The following NTM variants were observed in gnomAD, a reference collection of about 807,000 sequenced individuals.
The protein encoded by NTM is neurotrimin, also known as IgLON family member 2.
A neutral mutation model predicts 42.1 loss-of-function variants in NTM; 13 were observed. That is an observed-to-expected ratio of 0.31 (90% CI 0.20 to 0.49). The LOEUF is 0.49. NTM is among the 20% of genes least tolerant of loss of function. NTM has a pLI of 0.99. For synonymous variants in NTM, 187 were observed against 179.2 expected (o/e 1.04, Z -0.35); for missense variants, 373 against 452.8 (o/e 0.82, Z 1.60).
At chr11:131,789,637 A>AAGAAGAAGAAGAAGAAGAAGAAGAAGAAG (rs1565553128) in intron 1 of NTM, among the ~76,000 whole-genome samples, 1 of 24,396 alleles carries the variant, frequency 4.1e-5, no homozygotes, top group Non-Finnish European at 9.2e-5. Context: ...AGAAGAAGAA[A>AAGAAGAAGAAGAAGAAGAAGAAGAAGAAG]AGAAGAAGAA....
intron 2 of NTM, among the ~76,000 whole-genome samples, chr11:131,944,088 A>G (rs2060094083): frequency 6.6e-6 from 1 of 152,186 alleles, no homozygotes; most frequent in Admixed American, 6.5e-5. Context: ...AGCTTAGAAA[A>G]CGGCTAGTAA....
At chr11:131,660,437 G>A (rs1327897747) in intron 1 of NTM, 3 of 456,654 alleles carry the variant, frequency 6.6e-6, no homozygotes, top group Non-Finnish European at 1.3e-5. Flanking sequence ...TCATTTGAAA[G>A]AGCCCAGAAG....
intron 5 of NTM, among the ~76,000 whole-genome samples, chr11:132,308,064 T>A (rs1406362801): frequency 1.3e-5 from 2 of 152,244 alleles, no homozygotes; most frequent in African/African-American, 4.8e-5. Flanking sequence ...ATGCCAAACT[T>A]GACTTGCATG....
intron 7 of NTM, among the ~76,000 whole-genome samples, chr11:132,316,735 C>A (rs937803367): frequency 7.9e-5 from 12 of 152,232 alleles, no homozygotes; most frequent in African/African-American, 2.6e-4. Flanking sequence ...CTGTGGAGCT[C>A]GCAAACCCCA....
At chr11:131,935,780 T>C (rs962844799) in intron 2 of NTM, among the ~76,000 whole-genome samples, 3 of 152,152 alleles carry the variant, frequency 2.0e-5, no homozygotes, top group Non-Finnish European at 4.4e-5. Flanking sequence ...TAGATCAAAA[T>C]TACAGAAGAA....
intron 1 of NTM, among the ~76,000 whole-genome samples, chr11:131,807,926 CTA>C (rs1391487958): frequency 2.0e-5 from 3 of 152,162 alleles, no homozygotes; most frequent in African/African-American, 7.2e-5. Flanking sequence ...CTAAAAGTGA[CTA>C]TCACTTTCAA....
intron 1 of NTM, among the ~76,000 whole-genome samples, chr11:131,675,958 C>T (rs1293303881): frequency 1.3e-5 from 2 of 152,174 alleles, no homozygotes; most frequent in Non-Finnish European, 2.9e-5. Flanking sequence ...TCTTTTATGG[C>T]TTTCACCTTT....
At chr11:131,420,492 C>A (rs995185164) in intron 1 of NTM, among the ~76,000 whole-genome samples, 1 of 152,170 alleles carries the variant, frequency 6.6e-6, no homozygotes, top group African/African-American at 2.4e-5. Flanking sequence ...AAGGCCACTA[C>A]GTCTGTGGTG....
At chr11:131,736,117 G>C (rs75558661) in intron 1 of NTM, among the ~76,000 whole-genome samples, 4,584 of 152,116 alleles carry the variant, frequency 0.03, 269 homozygotes, top group African/African-American at 0.1. Flanking sequence ...ACAGGTGTGA[G>C]CCACCACACC....
chr11:131,970,296 G>T (rs532044622), intron 2 of NTM, among the ~76,000 whole-genome samples: 1 of 152,156 alleles, frequency 6.6e-6, no homozygotes, highest in Non-Finnish European at 1.5e-5. Context: ...GGATTTGATT[G>T]TATGTTTTCT....
chr11:132,325,911 G>C (rs1022794765), intron 7 of NTM, among the ~76,000 whole-genome samples: 4 of 151,640 alleles, frequency 2.6e-5, no homozygotes, highest in African/African-American at 7.3e-5. Flanking sequence ...GCAAACTATC[G>C]CAAGGACAAA....
intron 2 of NTM, among the ~76,000 whole-genome samples, chr11:131,994,919 GATTCCTCCCCCTCTCTT>G (rs2067710801): frequency 6.6e-6 from 1 of 152,040 alleles, no homozygotes. Context: ...AGCTGTCCTA[GATTCCTCCCCCTCTCTT>G]ATTCCTCATT....
At chr11:131,897,997 G>T (rs377550169) in intron 1 of NTM, among the ~76,000 whole-genome samples, 1 of 151,980 alleles carries the variant, frequency 6.6e-6, no homozygotes, top group Non-Finnish European at 1.5e-5. Flanking sequence ...CAAATATTTC[G>T]GATTCAAACC....
At chr11:132,142,426 G>A (rs917181374) in intron 2 of NTM, among the ~76,000 whole-genome samples, 3 of 152,154 alleles carry the variant, frequency 2.0e-5, no homozygotes, top group Admixed American at 1.3e-4. Context: ...GAGAGGACTC[G>A]TTGTCTGAAT....
intron 1 of NTM, among the ~76,000 whole-genome samples, chr11:131,655,539 G>C (rs907168695): frequency 4.6e-5 from 7 of 152,168 alleles, no homozygotes; most frequent in Non-Finnish European, 8.8e-5. Context: ...TGTGCAGGGG[G>C]CTGCTCTCAG....
chr11:131,404,418 C>T (rs1014819674), intron 1 of NTM, among the ~76,000 whole-genome samples: 1 of 152,174 alleles, frequency 6.6e-6, no homozygotes, highest in African/African-American at 2.4e-5. Context: ...AAACCCTACT[C>T]TGTTTCTTTT....
At chr11:131,684,122 G>C (rs1349400093) in intron 1 of NTM, among the ~76,000 whole-genome samples, 1 of 152,146 alleles carries the variant, frequency 6.6e-6, no homozygotes, top group African/African-American at 2.4e-5. Flanking sequence ...GTGGAATTGG[G>C]AGAACCCCCT....
chr11:132,229,283 G>C (rs1290522549), intron 4 of NTM, among the ~76,000 whole-genome samples: 1 of 152,174 alleles, frequency 6.6e-6, no homozygotes, highest in African/African-American at 2.4e-5. Context: ...CTGAGGCGCA[G>C]AGCACGCACT....
At chr11:131,781,472 A>G (rs746422971) in intron 1 of NTM, among the ~76,000 whole-genome samples, 13 of 152,194 alleles carry the variant, frequency 8.5e-5, no homozygotes, top group Non-Finnish European at 1.6e-4. Context: ...AAAGAACATG[A>G]TAATATATGA....
Sources: gnomAD v4.1 joint callset for allele counts (sites outside exome capture counted in the v4.1 genomes callset) on GRCh38, gnomAD v4.1.1 for gene constraint, MANE v1.5 for transcripts, NCBI Gene and HGNC (gene_info 2026-07-23, HGNC 2026-07-21) for gene names.